GTF2A1: variants seen among roughly 807,000 people sequenced by gnomAD.
The protein encoded by GTF2A1 is transcription initiation factor IIA subunit 1.
Under a neutral mutation model 54.1 loss-of-function variants are expected in GTF2A1, and 12 were observed. The ratio of observed to expected loss-of-function variants is 0.22; its 90% confidence interval spans 0.14 to 0.36. The LOEUF is 0.36. Ranked by LOEUF, GTF2A1 falls within the 10% of genes least tolerant of loss-of-function variation. The pLI, the probability that GTF2A1 is intolerant of heterozygous loss-of-function variation, is 1.00. For missense variants in GTF2A1, 335 were observed against 442.2 expected (o/e 0.76, Z 2.17); for synonymous variants, 145 against 152.0 (o/e 0.95, Z 0.34).
chr14:81,215,637 A>G lies in GTF2A1; in HGVS notation c.132+776T>C, dbSNP rs146717013. On this transcript the variant is annotated intron_variant, in intron 2 of 8. Transcript: ENST00000553612. ...AAAATATATTCAAAACATTCGGCCT[A>G]CATAAAGGGTCTACTTCAAGAACCT... 2.6e-5 allele frequency among the ~76,000 whole-genome samples: 4 copies of G among 152,358 alleles called. No homozygotes were observed. In the East Asian group the frequency reaches 7.7e-4, roughly 29 times the overall value.
At chr14:81,199,040 G>A (rs1464243605) in intron 4 of GTF2A1, among the ~76,000 whole-genome samples, 1 of 151,698 alleles carries the variant, frequency 6.6e-6, no homozygotes, top group Non-Finnish European at 1.5e-5. Flanking sequence ...AATAAAACTT[G>A]GCTATATAAG....
At chr14:81,192,949 C>T in intron 6 of GTF2A1, 110 bp from the exon 7 acceptor site, 2 of 676,190 alleles carry the variant, frequency 3.0e-6, no homozygotes, top group Non-Finnish European at 2.6e-6. Flanking sequence ...ATTTCATACA[C>T]AGTTAAAAAC....
intron 1 of GTF2A1, among the ~76,000 whole-genome samples, chr14:81,220,285 G>A (rs1357808579): frequency 1.6e-5 from 2 of 124,892 alleles, no homozygotes; most frequent in South Asian, 2.9e-4. Context: ...CGCCCTCCCC[G>A]CGCCGCGAGC....
At chr14:81,191,628 T>C (rs922296752) in intron 7 of GTF2A1, among the ~76,000 whole-genome samples, 1 of 152,126 alleles carries the variant, frequency 6.6e-6, no homozygotes, top group Admixed American at 6.5e-5. Flanking sequence ...ATATATATGG[T>C]AAAATATAAA....
In GTF2A1 at chr14:81,220,474, G is replaced by A. The variant is rs777414725; in HGVS notation, c.30+15C>T. On this transcript the variant is annotated intron_variant, in intron 1 of 8. Transcript: ENST00000553612. ...CTGAACGAAGCCCCCGCCGGCCACC[G>A]AACCACGTCCTTACCACGGTGTTTG... The A allele has an allele frequency of 3.2e-5, 50 of 1,551,172 alleles. 1 individual carries two copies. The South Asian group carries it at 5.2e-4, about 16-fold the overall frequency.
At chr14:81,180,867 A>G (rs1003965299) in intron 8 of GTF2A1, among the ~76,000 whole-genome samples, 1 of 152,228 alleles carries the variant, frequency 6.6e-6, no homozygotes, top group Non-Finnish European at 1.5e-5. Flanking sequence ...CTTACCAGCT[A>G]AAACTATTCT....
At chr14:81,205,822 T>C (rs891408239) in intron 2 of GTF2A1, among the ~76,000 whole-genome samples, 4 of 152,236 alleles carry the variant, frequency 2.6e-5, no homozygotes, top group African/African-American at 9.6e-5. Flanking sequence ...AGATCCCATG[T>C]TGTGTCTGAT....
rs1193082898 is a variant in GTF2A1, at chr14:81,220,711, G to A, written c.-193C>T. 2 of 338,096 alleles carry A rather than the reference G, an allele frequency of 5.9e-6. No individual in the cohort carries two copies. Among genetic ancestry groups the A allele is most frequent in the African/African-American group, 4.4e-5 (2 of 45,342 alleles). 20.9% of individuals were successfully genotyped at this position (338,096 alleles called of 1,614,324 possible). A position where few individuals can be genotyped will look rare whatever the true frequency, so the allele number is the denominator to read the frequency against. Reference sequence around the variant, plus strand: ...GGAGGAGGAGGGGGGCACTCCTCCCGCAGCTGAAAACCTCGAGAATCGCCT... The same window carrying A: ...GGAGGAGGAGGGGGGCACTCCTCCCACAGCTGAAAACCTCGAGAATCGCCT... On this transcript the variant is annotated 5_prime_UTR_variant, in exon 1 of 9. Transcript: ENST00000553612.
intron 2 of GTF2A1, among the ~76,000 whole-genome samples, chr14:81,207,894 A>G (rs1321102722): frequency 1.3e-5 from 2 of 152,250 alleles, no homozygotes; most frequent in Non-Finnish European, 2.9e-5. Flanking sequence ...GAAATTTCTA[A>G]GCAGAAAAGC....
At chr14:81,198,969 T>G (rs1200175638) in intron 4 of GTF2A1, among the ~76,000 whole-genome samples, 1 of 152,178 alleles carries the variant, frequency 6.6e-6, no homozygotes, top group Non-Finnish European at 1.5e-5. Context: ...GTCTCCAGAA[T>G]TTAACTATAG....
intron 4 of GTF2A1, 31 bp from the exon 5 acceptor site, chr14:81,197,515 C>T (rs1404945039): frequency 3.4e-6 from 4 of 1,183,290 alleles, no homozygotes; most frequent in African/African-American, 3.0e-5. Context: ...ATATCAAAAC[C>T]ACATACATGT....
chr14:81,185,427 A>C, intron 8 of GTF2A1, 104 bp downstream of exon 8: 1 of 635,490 alleles, frequency 1.6e-6, no homozygotes, highest in Non-Finnish European at 2.8e-6. Flanking sequence ...TGAATTTAAG[A>C]GGCATGAATC....
intron 3 of GTF2A1, among the ~76,000 whole-genome samples, chr14:81,202,207 C>T (rs1367707391): frequency 6.6e-6 from 1 of 152,054 alleles, no homozygotes; most frequent in East Asian, 1.9e-4. Flanking sequence ...AACATCTAAA[C>T]ATAAATAGTT....
At position 81,204,294 on chromosome 14, in the gene GTF2A1, A is replaced by G. The variant is rs150583332; in HGVS notation, c.133-190T>C. On this transcript the variant is annotated intron_variant, in intron 2 of 8. Transcript: ENST00000553612. ...ACAAAATTTTAAAGTATCAAACCTC[A>G]TTTTTGCCACATCAGAGTACTGAAG... 237 of 732,784 alleles carry G rather than the reference A, an allele frequency of 3.2e-4. No individual in the cohort carries two copies. The East Asian group carries it at 5.9e-3, about 18-fold the overall frequency. The allele number at this position is 732,784 out of a possible 1,614,324, so 45.4% of individuals were successfully genotyped here. A position where few individuals can be genotyped will look rare whatever the true frequency, so the allele number is the denominator to read the frequency against.
rs1566861032 is a variant in GTF2A1, at chr14:81,211,878, TATATATATATATA to T, written c.132+4522_132+4534del. Among the ~76,000 whole-genome samples, 19 of 25,572 alleles carry T rather than the reference TATATATATATATA, an allele frequency of 7.4e-4. 1 individual carries two copies. The highest frequency in any genetic ancestry group is 1.1e-3 in the African/African-American group (18 of 15,896). The allele number at this position is 25,572 out of a possible 152,430, so 16.8% of individuals were successfully genotyped here. ...TAATTAGAGTGTATCAAGTACTTTA[TATATATATATATA>T]TATATATATATATATATAACTAGAG... On this transcript the variant is annotated intron_variant, in intron 2 of 8. Transcript: ENST00000553612.
rs569178593 is a variant in GTF2A1, at chr14:81,192,777, T to G, written c.675A>C (p.Gln225His). 3.7e-6 allele frequency: 6 copies of G among 1,613,706 alleles called. No individual in the cohort carries two copies. The African/African-American group carries it at 8.0e-5, about 22-fold the overall frequency. The change falls in exon 7 of 9, where the codon CAA (glutamine) becomes CAC (histidine). Residue 225 changes from glutamine (Q) to histidine (H), a missense_variant. By Grantham distance (24) the Gln-to-His change is conservative. This residue lies in a region of GTF2A1 where 306 missense variants were observed against 360.4 expected (regional missense o/e 0.85). Coordinates refer to ENST00000553612, the MANE Select transcript of GTF2A1 (RefSeq NM_015859.4). ...GAGTCTTATTTCCTGTAAATAAGAT[T>G]TGCTGAGGCTGGATGATGACACCTG... ...PQTGVIIQPQ[Q>H]ILFTGNKTQV...
intron 2 of GTF2A1, among the ~76,000 whole-genome samples, chr14:81,206,120 T>G (rs1038215488): frequency 2.0e-5 from 3 of 152,250 alleles, no homozygotes; most frequent in Non-Finnish European, 4.4e-5. Context: ...CCAACTGGTT[T>G]ACCCACAGCA....
At chr14:81,204,130 C>G in intron 2 of GTF2A1, 26 bp from the exon 3 acceptor site, 1 of 1,472,188 alleles carries the variant, frequency 6.8e-7, no homozygotes, top group Non-Finnish European at 9.5e-7. Flanking sequence ...TTAAAGATTT[C>G]TAAGTGAAAA....
At chr14:81,211,172 C>G (rs1033353780) in intron 2 of GTF2A1, among the ~76,000 whole-genome samples, 3 of 152,070 alleles carry the variant, frequency 2.0e-5, no homozygotes, top group African/African-American at 7.2e-5. Flanking sequence ...GGGATATAAC[C>G]CAGGTGGTCT....
Sources: gnomAD v4.1 joint callset for allele counts (sites outside exome capture counted in the v4.1 genomes callset) on GRCh38, gnomAD v4.1.1 for gene constraint, gnomAD v4.1.1 regional missense constraint, MANE v1.5 for transcripts, NCBI Gene and HGNC (gene_info 2026-07-23, HGNC 2026-07-21) for gene names.